The following DCDC1 variants were observed in gnomAD, a reference collection of about 807,000 sequenced individuals.
DCDC1 encodes the protein doublecortin domain-containing protein 1.
Under a neutral mutation model 178.3 loss-of-function variants are expected in DCDC1, and 200 were observed. The observed-to-expected ratio is 1.12, with a 90% confidence interval of 1.00 to 1.26. The LOEUF is 1.26. DCDC1 is among the 50% of genes most tolerant of loss of function. The pLI, the probability that DCDC1 is intolerant of heterozygous loss-of-function variation, is 0.00. For missense variants in DCDC1, 1,983 were observed against 1,749.2 expected (o/e 1.13, Z -2.38); for synonymous variants, 690 against 604.8 (o/e 1.14, Z -2.07).
In DCDC1 at chr11:31,106,932, T is replaced by C. The variant is rs116038359; in HGVS notation, c.1616A>G (p.Gln539Arg). The C allele has an allele frequency of 5.6e-4, 427 of 765,840 alleles. No homozygotes were observed. In the African/African-American group the frequency reaches 6.3e-3, roughly 11 times the overall value. 47.4% of individuals were successfully genotyped at this position (765,840 alleles called of 1,614,324 possible). A position where few individuals can be genotyped will look rare whatever the true frequency, so the allele number is the denominator to read the frequency against. Reference sequence around the variant, plus strand: ...GCCTGGTGGGTTGATGGAAGAACCTTGAAGCCTTTGATGAATCTTGAGAAG... The same window carrying C: ...GCCTGGTGGGTTGATGGAAGAACCTCGAAGCCTTTGATGAATCTTGAGAAG... ...RLLLKIHQRL[Q>R]GSSINPPGLN... Residue 539 changes from glutamine (Q) to arginine (R), a missense_variant, in exon 13 of 39, where the codon CAA (glutamine) becomes CGA (arginine). Coordinates refer to ENST00000684477, the MANE Select transcript of DCDC1 (RefSeq NM_001387274.1).
chr11:30,928,647 A>T (rs1273699518), intron 22 of DCDC1, among the ~76,000 whole-genome samples: 1 of 98 alleles, frequency 0.01, no homozygotes, highest in African/African-American at 0.042. Context: ...TTTGCCCTAA[A>T]GTAATCTCTT....
chr11:31,056,408 A>G (rs1382782531), intron 20 of DCDC1, among the ~76,000 whole-genome samples: 3 of 152,090 alleles, frequency 2.0e-5, no homozygotes, highest in East Asian at 3.9e-4. Context: ...AAAGACAGAG[A>G]TTGTAATACT....
intron 20 of DCDC1, among the ~76,000 whole-genome samples, chr11:31,003,082 C>T (rs1024510474): frequency 2.0e-5 from 3 of 148,522 alleles, no homozygotes; most frequent in Non-Finnish European, 4.4e-5. Context: ...CCACACATAT[C>T]TTTAAATATA....
At chr11:31,325,057 T>G (rs1168117300) in intron 3 of DCDC1, among the ~76,000 whole-genome samples, 2 of 152,166 alleles carry the variant, frequency 1.3e-5, no homozygotes, top group African/African-American at 4.8e-5. Flanking sequence ...TAAAAATCAT[T>G]AAATCACATT....
At chr11:30,910,713 A>G (rs184385305) in intron 28 of DCDC1, among the ~76,000 whole-genome samples, 2 of 152,268 alleles carry the variant, frequency 1.3e-5, no homozygotes, top group Non-Finnish European at 2.9e-5. Flanking sequence ...TGAGAATGAC[A>G]GAAAAATGTG....
intron 20 of DCDC1, among the ~76,000 whole-genome samples, chr11:30,955,135 C>T (rs1035302514): frequency 1.1e-4 from 16 of 152,108 alleles, no homozygotes; most frequent in African/African-American, 2.9e-4. Flanking sequence ...TCCAAGAACC[C>T]GCTTCTTTTG....
At chr11:31,305,072 T>G (rs974442668) in intron 6 of DCDC1, among the ~76,000 whole-genome samples, 4 of 152,116 alleles carry the variant, frequency 2.6e-5, no homozygotes, top group African/African-American at 9.7e-5. Flanking sequence ...TAGGATTATA[T>G]TATACATTTT....
At chr11:30,915,312 T>C (rs963093060) in intron 27 of DCDC1, among the ~76,000 whole-genome samples, 199 bp downstream of exon 27, 1 of 152,204 alleles carries the variant, frequency 6.6e-6, no homozygotes, top group African/African-American at 2.4e-5. Flanking sequence ...TGTGGATAAA[T>C]TGTATGTAGC....
chr11:31,183,518 T>C (rs898137909), intron 9 of DCDC1, among the ~76,000 whole-genome samples: 3 of 152,102 alleles, frequency 2.0e-5, no homozygotes, highest in Non-Finnish European at 2.9e-5. Context: ...GATGACATGA[T>C]TGTATATTTA....
chr11:31,268,559 C>A, intron 7 of DCDC1, among the ~76,000 whole-genome samples: 1 of 152,154 alleles, frequency 6.6e-6, no homozygotes, highest in East Asian at 1.9e-4. Context: ...TACTTTCATT[C>A]TTTTTTATGG....
chr11:31,217,715 GT>G (rs1396927263), intron 9 of DCDC1, among the ~76,000 whole-genome samples: 3 of 152,034 alleles, frequency 2.0e-5, no homozygotes, highest in Non-Finnish European at 4.4e-5. Flanking sequence ...AAAATAAGAA[GT>G]AGTAAAACAC....
intron 1 of DCDC1, among the ~76,000 whole-genome samples, chr11:31,353,239 C>T (rs921669626): frequency 6.6e-6 from 1 of 152,214 alleles, no homozygotes; most frequent in South Asian, 2.1e-4. Context: ...GAACCTAATA[C>T]TTCGCAAAAT....
intron 9 of DCDC1, among the ~76,000 whole-genome samples, chr11:31,212,366 T>C (rs1010279299): frequency 6.6e-6 from 1 of 152,084 alleles, no homozygotes; most frequent in African/African-American, 2.4e-5. Context: ...TTAACTGCTA[T>C]ATATCAAAAC....
chr11:30,892,268 T>G (rs1943846828), intron 36 of DCDC1, among the ~76,000 whole-genome samples: 1 of 152,138 alleles, frequency 6.6e-6, no homozygotes, highest in Non-Finnish European at 1.5e-5. Flanking sequence ...CTTTGGGAAG[T>G]GAGAATTCTG....
At chr11:30,943,497 C>A in intron 21 of DCDC1, 1 of 340,510 alleles carries the variant, frequency 2.9e-6, no homozygotes, top group Non-Finnish European at 5.8e-6. Flanking sequence ...AACTATCCAA[C>A]AGCTCATTCC....
At chr11:30,953,044 T>A (rs1388717833) in intron 20 of DCDC1, among the ~76,000 whole-genome samples, 1 of 151,802 alleles carries the variant, frequency 6.6e-6, no homozygotes, top group East Asian at 1.9e-4. Flanking sequence ...ATGCAAGTAT[T>A]TATATACACT....
intron 9 of DCDC1, among the ~76,000 whole-genome samples, chr11:31,192,989 C>T (rs568416195): frequency 3.9e-5 from 6 of 152,024 alleles, no homozygotes; most frequent in Non-Finnish European, 7.4e-5. Flanking sequence ...TTCTCCTGCT[C>T]TCGGACATCA....
intron 31 of DCDC1, 139 bp downstream of exon 31, chr11:30,904,822 G>T: frequency 1.1e-6 from 1 of 930,604 alleles, no homozygotes; most frequent in Non-Finnish European, 1.6e-6. Flanking sequence ...AGTAAACAGA[G>T]ATCTTCATCT....
chr11:31,044,477 C>CA lies in DCDC1; in HGVS notation c.2591+19991dup, dbSNP rs34317259. Among the ~76,000 whole-genome samples, 701 of 96,624 alleles carry CA rather than the reference C, an allele frequency of 7.3e-3. 7 individuals carry two copies. The highest frequency in any genetic ancestry group is 0.013 in the East Asian group (33 of 2,608). 63.4% of individuals were successfully genotyped at this position (96,624 alleles called of 152,430 possible). A position where few individuals can be genotyped will look rare whatever the true frequency, so the allele number is the denominator to read the frequency against. The stretch of plus-strand genomic sequence containing the variant: ...TGGGCGACAGAGCGATACTCCATCT[C>CA]AAAAAAAAAAAAAAAAAAAAAGCAC... On this transcript the variant is annotated intron_variant, in intron 20 of 38. Transcript: ENST00000684477.
Sources: gnomAD v4.1 joint callset for allele counts (sites outside exome capture counted in the v4.1 genomes callset) on GRCh38, gnomAD v4.1.1 for gene constraint, MANE v1.5 for transcripts, NCBI Gene and HGNC (gene_info 2026-07-23, HGNC 2026-07-21) for gene names.